Variants in RGS6 observed in about 807,000 individuals in gnomAD.
RGS6 encodes regulator of G protein signaling 6.
In RGS6, 30 loss-of-function variants were observed where a neutral mutation model predicts 78.5. The observed-to-expected ratio is 0.38, with a 90% CI of 0.29 to 0.52. The LOEUF is 0.52. Ranked by LOEUF, RGS6 falls within the 20% of genes least tolerant of loss-of-function variation. The pLI, the probability that RGS6 is intolerant of heterozygous loss-of-function variation, is 0.85. For synonymous variants in RGS6, 206 were observed against 206.0 expected, an observed-to-expected ratio of 1.00 and a Z score of 0.00; for missense variants, 495 against 609.7, an observed-to-expected ratio of 0.81 and a Z score of 1.98.
chr14:72,607,630 C>T, the RGS6 span, among the ~76,000 whole-genome samples: 10 of 152,302 alleles, frequency 6.6e-5, no homozygotes, highest in East Asian at 1.7e-3. Context: ...GCTCTCTGTG[C>T]AGATGAAAGG....
At chr14:72,346,063 G>A (rs1596065047) in intron 2 of RGS6, among the ~76,000 whole-genome samples, 1 of 152,146 alleles carries the variant, frequency 6.6e-6, no homozygotes, top group African/African-American at 2.4e-5. Context: ...AGACTCTGAC[G>A]TGACAGTCAT....
chr14:72,342,236 T>C (rs1263175534), intron 2 of RGS6, among the ~76,000 whole-genome samples: 1 of 152,096 alleles, frequency 6.6e-6, no homozygotes, highest in African/African-American at 2.4e-5. Context: ...TTTTTCATGC[T>C]TGTGATACTT....
rs143757038 is a variant in RGS6, at chr14:72,307,893, A to G, written c.85-44202A>G. On this transcript the variant is annotated intron_variant, in intron 2 of 17. Transcript: ENST00000553525. ...TCTTTAAAGGTCTTCATGCCCTGAT[A>G]GTGTTTTAGAGTTTAGTTTATATAG... 2.9e-3 allele frequency among the ~76,000 whole-genome samples: 444 copies of G among 152,276 alleles called. 2 individuals carry two copies. The highest frequency in any genetic ancestry group is 0.01 in the African/African-American group (427 of 41,568).
At chr14:72,406,454 T>G (rs2092935605) in intron 3 of RGS6, among the ~76,000 whole-genome samples, 1 of 152,152 alleles carries the variant, frequency 6.6e-6, no homozygotes, top group Non-Finnish European at 1.5e-5. Context: ...TCTGAACACT[T>G]CTGTGAAAAC....
At chr14:72,487,193 C>T (rs977643337) in intron 12 of RGS6, among the ~76,000 whole-genome samples, 1 of 152,174 alleles carries the variant, frequency 6.6e-6, no homozygotes, top group South Asian at 2.1e-4. Flanking sequence ...GGTTTATTTG[C>T]GTGGGTTGTG....
chr14:72,035,344 C>T (rs1264761761), intron 2 of RGS6, among the ~76,000 whole-genome samples: 2 of 134,430 alleles, frequency 1.5e-5, no homozygotes, highest in Non-Finnish European at 3.1e-5. Flanking sequence ...AATATCTCCT[C>T]TTTCATTTTG....
chr14:72,117,181 G>T (rs1490781090), intron 2 of RGS6, among the ~76,000 whole-genome samples: 1 of 152,080 alleles, frequency 6.6e-6, no homozygotes, highest in African/African-American at 2.4e-5. Context: ...TAGCAAAAAG[G>T]CTGGGAGACT....
chr14:72,605,432 CT>C, the RGS6 span, among the ~76,000 whole-genome samples: 4 of 152,238 alleles, frequency 2.6e-5, no homozygotes, highest in Non-Finnish European at 5.9e-5. Flanking sequence ...AGGCTCACAG[CT>C]GTAATATCAC....
At chr14:72,267,308 AT>A (rs1355417220) in intron 2 of RGS6, among the ~76,000 whole-genome samples, 1 of 151,796 alleles carries the variant, frequency 6.6e-6, no homozygotes, top group Non-Finnish European at 1.5e-5. Flanking sequence ...ATATTTCATG[AT>A]ACATAAAAAT....
At position 72,259,286 on chromosome 14, in the gene RGS6, A is replaced by G. The variant is rs150854731; in HGVS notation, c.85-92809A>G. On this transcript the variant is annotated intron_variant, in intron 2 of 17. Transcript: ENST00000553525. ...GATGATCAGTTAATATTGTAACTAT[A>G]TATCAAAATTAATTGGCACTGTGTA... Among the ~76,000 whole-genome samples the G allele has an allele frequency of 6.6e-5, 10 of 152,346 alleles. No individual in the cohort carries two copies. The East Asian group carries it at 1.3e-3, about 21-fold the overall frequency.
chr14:71,869,729 G>T, the RGS6 span, among the ~76,000 whole-genome samples: 2 of 152,156 alleles, frequency 1.3e-5, no homozygotes, highest in East Asian at 3.9e-4. Flanking sequence ...TAGTTGCCAT[G>T]GTTTGAATAT....
chr14:72,446,529 T>C lies in RGS6; in HGVS notation c.185-7999T>C, dbSNP rs2095367496. ...CAGCTAGAGCTGTGTTCCCCAGCCT[T>C]TTTGGCACCAGGGACCAGTTTCATG... On this transcript the variant is annotated intron_variant, in intron 3 of 17. Coordinates refer to ENST00000553525, the MANE Select transcript of RGS6 (RefSeq NM_001204424.2). Among the ~76,000 whole-genome samples the C allele has an allele frequency of 3.3e-5, 5 of 152,274 alleles. No individual in the cohort carries two copies. The South Asian group carries it at 1.0e-3, about 32-fold the overall frequency.
At chr14:72,006,995 C>A (rs1373169279) in intron 2 of RGS6, among the ~76,000 whole-genome samples, 1 of 151,884 alleles carries the variant, frequency 6.6e-6, no homozygotes, top group South Asian at 2.1e-4. Flanking sequence ...CTATTGGAAA[C>A]TGGAAAACAG....
intron 2 of RGS6, among the ~76,000 whole-genome samples, chr14:72,324,743 T>C (rs920726713): frequency 2.6e-5 from 4 of 152,124 alleles, no homozygotes; most frequent in African/African-American, 9.7e-5. Context: ...ATTTTCTTAA[T>C]CCAGTCTATC....
intron 1 of RGS6, among the ~76,000 whole-genome samples, chr14:71,947,106 A>T (rs2091636994): frequency 6.6e-6 from 1 of 152,132 alleles, no homozygotes; most frequent in South Asian, 2.1e-4. Context: ...TATTACAGTT[A>T]GTGTACAATT....
intron 15 of RGS6, among the ~76,000 whole-genome samples, chr14:72,519,226 C>T (rs1567039252): frequency 6.6e-6 from 1 of 152,340 alleles, no homozygotes; most frequent in Non-Finnish European, 1.5e-5. Flanking sequence ...GCTAAAGAAA[C>T]AGGAACCACC....
intron 2 of RGS6, among the ~76,000 whole-genome samples, chr14:72,217,136 C>G (rs942209291): frequency 1.3e-5 from 2 of 152,084 alleles, no homozygotes; most frequent in Non-Finnish European, 2.9e-5. Context: ...TCAAAGTGCC[C>G]CCCAAGAGTT....
chr14:72,070,395 G>A (rs991259166), intron 2 of RGS6, among the ~76,000 whole-genome samples: 6 of 152,110 alleles, frequency 3.9e-5, no homozygotes, highest in Admixed American at 2.0e-4. Flanking sequence ...GTATGAACTC[G>A]CACTGCAAAC....
At chr14:71,962,930 G>T (rs543783044) in intron 1 of RGS6, among the ~76,000 whole-genome samples, 1 of 152,100 alleles carries the variant, frequency 6.6e-6, no homozygotes, top group Non-Finnish European at 1.5e-5. Context: ...GTCACGTATG[G>T]TATTTATAAG....
Sources: allele counts gnomAD v4.1 joint callset (sites outside exome capture counted in the v4.1 genomes callset), GRCh38; gene constraint gnomAD v4.1.1; transcripts MANE v1.5; gene names NCBI Gene and HGNC (gene_info 2026-07-23, HGNC 2026-07-21).